The following UPF2 variants were observed in gnomAD, a reference collection of about 807,000 sequenced individuals.
UPF2 encodes the protein UPF2 regulator of nonsense mediated mRNA decay, also known as regulator of nonsense transcripts 2.
In UPF2, 17 loss-of-function variants were observed where a neutral mutation model predicts 141.4. The observed-to-expected ratio is 0.12, with a 90% CI of 0.08 to 0.18. UPF2 has a LOEUF of 0.18. Ranked by LOEUF, UPF2 falls within the 10% of genes least tolerant of loss-of-function variation. The pLI, the probability that UPF2 is intolerant of heterozygous loss-of-function variation, is 1.00. For missense variants in UPF2, 1,152 were observed against 1,515.9 expected (o/e 0.76, Z 3.99); for synonymous variants, 540 against 498.0 (o/e 1.08, Z -1.12).
chr10:12,009,718 T>G (rs1834096216), intron 4 of UPF2, among the ~76,000 whole-genome samples: 1 of 152,140 alleles, frequency 6.6e-6, no homozygotes, highest in Non-Finnish European at 1.5e-5. Context: ...GGATGAGAGC[T>G]GAGGGTCTGG....
chr10:11,979,530 A>T lies in UPF2; in HGVS notation c.1845-365T>A, dbSNP rs1833558543. Among the ~76,000 whole-genome samples, 1 of 152,256 alleles carries T rather than the reference A, an allele frequency of 6.6e-6. No homozygotes were observed. Among genetic ancestry groups the T allele is most frequent in the South Asian group, 2.1e-4 (1 of 4,836 alleles). On this transcript the variant is annotated intron_variant, in intron 8 of 21. Coordinates refer to ENST00000357604, the MANE Select transcript of UPF2 (RefSeq NM_015542.4). The surrounding 1 kb of genome is among the most constrained non-coding windows in gnomAD (Gnocchi z 6.2). Reference sequence around the variant, plus strand: ...TTACAAATCTCAAGGTAACTTCTCTAGTGCAAGACAAAATCCTTTAAAGCC... The same window carrying T: ...TTACAAATCTCAAGGTAACTTCTCTTGTGCAAGACAAAATCCTTTAAAGCC...
intron 2 of UPF2, among the ~76,000 whole-genome samples, chr10:12,032,677 G>A (rs900036757): frequency 1.3e-5 from 2 of 150,502 alleles, no homozygotes; most frequent in Admixed American, 6.6e-5. Context: ...GGCAGAGATC[G>A]CAGTGAGCCA....
chr10:11,968,425 C>G (rs889029404), intron 9 of UPF2, among the ~76,000 whole-genome samples: 4 of 152,132 alleles, frequency 2.6e-5, no homozygotes, highest in Non-Finnish European at 5.9e-5. Context: ...GTTAACATCC[C>G]ATTAAATTAA....
intron 1 of UPF2, among the ~76,000 whole-genome samples, chr10:12,037,955 T>G (rs553080511): frequency 6.6e-6 from 1 of 152,312 alleles, no homozygotes; most frequent in African/African-American, 2.4e-5. Flanking sequence ...CTTCTCCTTT[T>G]TCTTTTACTC....
Position 11,959,070 on chromosome 10 carries a change from G to A in UPF2, c.2370+101C>T. On this transcript the variant is annotated intron_variant, in intron 12 of 21. Coordinates refer to ENST00000357604, the MANE Select transcript of UPF2 (RefSeq NM_015542.4). The surrounding 1 kb of genome is among the most constrained non-coding windows in gnomAD (Gnocchi z 5.9). ...TGACTTACACAGAGCTGATTATAAA[G>A]GAACTTGAGCTCTACCCCCACTTCT... 8.8e-7 allele frequency: 1 copy of A among 1,142,022 alleles called. No homozygotes were observed. The highest frequency in any genetic ancestry group is 1.2e-6 in the Non-Finnish European group (1 of 849,396). 70.7% of individuals were successfully genotyped at this position (1,142,022 alleles called of 1,614,324 possible).
Position 11,976,180 on chromosome 10 carries a change from T to C in UPF2, c.1953+2877A>G, listed in dbSNP as rs546993276. Reference sequence around the variant, plus strand: ...TTCCTTAACTGCCAGTGACATTTCATACAGCTTTGTTAACCTGCTTTATTT... The same window carrying C: ...TTCCTTAACTGCCAGTGACATTTCACACAGCTTTGTTAACCTGCTTTATTT... On this transcript the variant is annotated intron_variant, in intron 9 of 21. Coordinates refer to ENST00000357604, the MANE Select transcript of UPF2 (RefSeq NM_015542.4). Among the ~76,000 whole-genome samples, 3 of 152,380 alleles carry C rather than the reference T, an allele frequency of 2.0e-5. No homozygotes were observed. In the South Asian group the frequency reaches 6.2e-4, roughly 32 times the overall value.
chr10:11,955,179 A>G (rs1833129542), intron 14 of UPF2, 53 bp downstream of exon 14: 4 of 1,478,050 alleles, frequency 2.7e-6, no homozygotes, highest in Non-Finnish European at 3.6e-6. Flanking sequence ...TATTCTTTTA[A>G]AACACATGCA....
intron 10 of UPF2, 76 bp from the exon 11 acceptor site, chr10:11,964,201 A>C: frequency 9.2e-7 from 1 of 1,082,606 alleles, no homozygotes. Flanking sequence ...CATACATCTA[A>C]TGTGTGTAAC....
intron 14 of UPF2, among the ~76,000 whole-genome samples, chr10:11,954,431 C>G (rs1271531494): frequency 6.6e-6 from 1 of 151,630 alleles, no homozygotes; most frequent in Non-Finnish European, 1.5e-5. Context: ...GTCAGGAGTT[C>G]AAGACCAGCC....
chr10:11,952,535 C>T (rs534240212), intron 14 of UPF2, among the ~76,000 whole-genome samples: 10 of 133,432 alleles, frequency 7.5e-5, no homozygotes, highest in South Asian at 2.4e-4. Context: ...AGTGCAGTGG[C>T]GCCATCTCAG....
intron 2 of UPF2, among the ~76,000 whole-genome samples, chr10:12,033,701 T>C (rs187323022): frequency 7.2e-5 from 11 of 152,290 alleles, no homozygotes; most frequent in Middle Eastern, 3.4e-3. Flanking sequence ...AAATAAGTTA[T>C]ATATTTATGC....
chr10:12,042,523 C>A lies in UPF2; in HGVS notation c.-19+232G>T, dbSNP rs569684877. Among the ~76,000 whole-genome samples the A allele has an allele frequency of 6.6e-6, 1 of 152,188 alleles. No individual in the cohort carries two copies. Among genetic ancestry groups the A allele is most frequent in the Admixed American group, 6.5e-5 (1 of 15,280 alleles). On this transcript the variant is annotated intron_variant, in intron 1 of 21. Transcript: ENST00000357604. This position sits in a 1 kb window ranked among gnomAD's most constrained non-coding sequence, Gnocchi z 5.5. ...GGGCAGGCACCTCCTCCACCGCCCC[C>A]CAAGCATGGCCCGGCCCGGGGGCTC...
chr10:12,004,874 C>A, intron 4 of UPF2, 147 bp from the exon 5 acceptor site: 1 of 670,990 alleles, frequency 1.5e-6, no homozygotes, highest in Non-Finnish European at 2.4e-6. Context: ...GCACATGTGA[C>A]CGTTTTCAAC....
intron 4 of UPF2, among the ~76,000 whole-genome samples, chr10:12,011,966 T>A (rs938112895): frequency 3.3e-5 from 5 of 151,388 alleles, no homozygotes; most frequent in African/African-American, 9.7e-5. Context: ...ATAATAATAA[T>A]AAATTTAAAG....
At chr10:11,993,305 A>T (rs980195566) in intron 8 of UPF2, among the ~76,000 whole-genome samples, 1 of 152,214 alleles carries the variant, frequency 6.6e-6, no homozygotes, top group South Asian at 2.1e-4. Flanking sequence ...CTATACAACA[A>T]ATAACACAAC....
chr10:11,921,805 T>A lies in UPF2; in HGVS notation c.3810-498A>T, dbSNP rs1450630686. Among the ~76,000 whole-genome samples, 1 of 130,286 alleles carries A rather than the reference T, an allele frequency of 7.7e-6. No individual in the cohort carries two copies. Among genetic ancestry groups the A allele is most frequent in the African/African-American group, 2.5e-5 (1 of 39,350 alleles). The allele number at this position is 130,286 out of a possible 152,430, so 85.5% of individuals were successfully genotyped here. A position where few individuals can be genotyped will look rare whatever the true frequency, so the allele number is the denominator to read the frequency against. On this transcript the variant is annotated intron_variant, in intron 21 of 21. Coordinates refer to ENST00000357604, the MANE Select transcript of UPF2 (RefSeq NM_015542.4). This position sits in a 1 kb window ranked among gnomAD's most constrained non-coding sequence, Gnocchi z 5.9. Reference sequence around the variant, plus strand: ...GCAATGGCTGGAGGAGTGGCTCTGTTCTCTTCTACAACTTATTCTTAAGGT... The same window carrying A: ...GCAATGGCTGGAGGAGTGGCTCTGTACTCTTCTACAACTTATTCTTAAGGT...
chr10:11,987,760 T>TG (rs1833715996), intron 8 of UPF2, among the ~76,000 whole-genome samples: 1 of 23,910 alleles, frequency 4.2e-5, no homozygotes, highest in East Asian at 1.6e-3. Flanking sequence ...AGACTCTGCC[T>TG]CAAAAAAAAA....
At chr10:11,987,826 T>G (rs1833718906) in intron 8 of UPF2, among the ~76,000 whole-genome samples, 2 of 151,704 alleles carry the variant, frequency 1.3e-5, no homozygotes, top group South Asian at 4.2e-4. Context: ...TGAGATTTTT[T>G]TTCATCATTA....
chr10:12,023,946 G>T (rs558947521), intron 3 of UPF2, among the ~76,000 whole-genome samples: 1 of 152,106 alleles, frequency 6.6e-6, no homozygotes, highest in East Asian at 1.9e-4. Flanking sequence ...ACTTCAGCCT[G>T]CCACTGCACT....
Sources: allele counts gnomAD v4.1 joint callset (sites outside exome capture counted in the v4.1 genomes callset), GRCh38; gene constraint gnomAD v4.1.1; non-coding constraint Gnocchi (gnomAD v3.1); transcripts MANE v1.5; gene names NCBI Gene and HGNC (gene_info 2026-07-23, HGNC 2026-07-21).